Variants in DAPK1 observed in about 807,000 individuals in gnomAD.
DAPK1 encodes the protein death associated protein kinase 1, also known as death-associated protein kinase 1.
A neutral mutation model predicts 144.9 loss-of-function variants in DAPK1; 56 were observed. That is an observed-to-expected ratio of 0.39 (90% CI 0.31 to 0.48). The LOEUF (loss-of-function observed/expected upper bound fraction) is 0.48, where lower values mean the gene tolerates loss of function less well. Among genes scored for constraint, DAPK1 ranks in the 20% least tolerant of loss-of-function variants. DAPK1 has a pLI of 0.95. For synonymous variants in DAPK1, 690 were observed against 749.0 expected, an observed-to-expected ratio of 0.92 and a Z score of 1.29; for missense variants, 1,454 against 1,875.4, an observed-to-expected ratio of 0.78 and a Z score of 4.15.
At chr9:87,525,335 C>T (rs910766753) in intron 2 of DAPK1, 14 of 1,610,836 alleles carry the variant, frequency 8.7e-6, no homozygotes, top group Admixed American at 5.0e-5. Context: ...GAGCCACCCG[C>T]GAAAATTCGG....
chr9:87,571,506 C>CACACACACACACACACACACACCCCA, intron 2 of DAPK1, among the ~76,000 whole-genome samples: 1 of 145,554 alleles, frequency 6.9e-6, no homozygotes, highest in African/African-American at 2.6e-5. Flanking sequence ...CCAACACACA[C>CACACACACACACACACACACACCCCA]ACACACACAC....
chr9:87,602,067 C>T (rs1345069183), intron 2 of DAPK1, among the ~76,000 whole-genome samples: 1 of 152,032 alleles, frequency 6.6e-6, no homozygotes. Context: ...AGCAGGTGCC[C>T]CTGAGGGGTA....
chr9:87,667,772 T>G (rs1831108134), intron 18 of DAPK1: 1 of 152,214 alleles, frequency 6.6e-6, no homozygotes. Context: ...ACTTTTGAAT[T>G]TTTAGTGATC....
At chr9:87,660,507 A>G (rs59370521) in intron 18 of DAPK1, among the ~76,000 whole-genome samples, 68,569 of 152,082 alleles carry the variant, frequency 0.45, 15,732 homozygotes, top group Middle Eastern at 0.6. Context: ...ATATATTCAT[A>G]GGGTACAAGT....
intron 21 of DAPK1, among the ~76,000 whole-genome samples, chr9:87,693,665 G>A (rs1564074271): frequency 6.6e-6 from 1 of 152,080 alleles, no homozygotes; most frequent in Non-Finnish European, 1.5e-5. Flanking sequence ...ATTGATATCT[G>A]TGCATCCGGT....
intron 2 of DAPK1, among the ~76,000 whole-genome samples, chr9:87,530,963 C>A (rs904444338): frequency 2.0e-5 from 3 of 152,102 alleles, no homozygotes; most frequent in African/African-American, 7.2e-5. Flanking sequence ...CAGCTGTGAG[C>A]CGAGCATTAG....
intron 20 of DAPK1, among the ~76,000 whole-genome samples, chr9:87,684,328 C>T (rs1460286267): frequency 6.6e-6 from 1 of 151,426 alleles, no homozygotes; most frequent in Non-Finnish European, 1.5e-5. Context: ...CTGCTCGTGC[C>T]TGGCAGGCCG....
At chr9:87,682,037 A>C (rs910226634) in intron 20 of DAPK1, among the ~76,000 whole-genome samples, 1 of 152,242 alleles carries the variant, frequency 6.6e-6, no homozygotes, top group African/African-American at 2.4e-5. Context: ...CAGCCCAAGA[A>C]GGGTCCTCAA....
intron 3 of DAPK1, among the ~76,000 whole-genome samples, chr9:87,624,474 A>G (rs1041690480): frequency 5.9e-5 from 9 of 152,186 alleles, no homozygotes; most frequent in African/African-American, 1.2e-4. Flanking sequence ...TTCAGATTCT[A>G]TTGGTCGAGC....
intron 2 of DAPK1, among the ~76,000 whole-genome samples, chr9:87,597,408 G>C (rs1015052698): frequency 5.9e-5 from 9 of 152,090 alleles, no homozygotes; most frequent in Non-Finnish European, 1.3e-4. Context: ...AGTTCCAATG[G>C]GGGGGAAAAT....
chr9:87,594,913 A>C (rs1310326932), intron 2 of DAPK1, among the ~76,000 whole-genome samples: 2 of 152,150 alleles, frequency 1.3e-5, no homozygotes, highest in Admixed American at 1.3e-4. Context: ...ACACCCTTCT[A>C]ATGGGTCAAT....
intron 25 of DAPK1, among the ~76,000 whole-genome samples, chr9:87,705,087 A>ATG (rs1373899745): frequency 1.3e-5 from 2 of 151,544 alleles, no homozygotes; most frequent in Non-Finnish European, 2.9e-5. Flanking sequence ...GGCCTTTTCT[A>ATG]TGTGTGTGTG....
At chr9:87,670,883 G>A (rs950727992) in intron 19 of DAPK1, among the ~76,000 whole-genome samples, 2 of 152,234 alleles carry the variant, frequency 1.3e-5, no homozygotes, top group Non-Finnish European at 2.9e-5. Context: ...TGCAGAGGGA[G>A]GAGGCGTCTC....
rs576768251 is a variant in DAPK1, at chr9:87,699,277, G to A, written c.2750+483G>A. On this transcript the variant is annotated intron_variant, in intron 23 of 25. Coordinates refer to ENST00000408954, the MANE Select transcript of DAPK1 (RefSeq NM_004938.4). ...TTTCTACCTCCCAGCAACACTGCCC[G>A]GAGGTGACTTCTTTTAGCTGTTTAG... Among the ~76,000 whole-genome samples, 20 of 152,294 alleles carry A rather than the reference G, an allele frequency of 1.3e-4. No individual in the cohort carries two copies. In the East Asian group the frequency reaches 1.5e-3, roughly 12 times the overall value.
chr9:87,596,879 C>G (rs1828336114), intron 2 of DAPK1, among the ~76,000 whole-genome samples: 1 of 152,126 alleles, frequency 6.6e-6, no homozygotes. Flanking sequence ...GCTGCCTGGA[C>G]CCAGCTTAGG....
chr9:87,641,681 A>G (rs1830099894), intron 9 of DAPK1, among the ~76,000 whole-genome samples: 1 of 152,206 alleles, frequency 6.6e-6, no homozygotes, highest in African/African-American at 2.4e-5. Flanking sequence ...ACATAGCCTC[A>G]CCATGAATAT....
intron 21 of DAPK1, among the ~76,000 whole-genome samples, chr9:87,688,211 G>A (rs1824934047): frequency 6.6e-6 from 1 of 151,736 alleles, no homozygotes; most frequent in African/African-American, 2.4e-5. Flanking sequence ...CTGTTCCTGT[G>A]TTAATTCACT....
intron 2 of DAPK1, among the ~76,000 whole-genome samples, chr9:87,580,485 A>G (rs534361419): frequency 1.3e-5 from 2 of 152,314 alleles, no homozygotes; most frequent in South Asian, 4.1e-4. Context: ...TTTACTTTTT[A>G]GACAACTTGC....
intron 2 of DAPK1, among the ~76,000 whole-genome samples, chr9:87,508,413 G>A: frequency 6.6e-6 from 1 of 150,630 alleles, no homozygotes; most frequent in South Asian, 2.1e-4. Flanking sequence ...CGCGATTTCG[G>A]CTCACTGCAA....
Sources: gnomAD v4.1 joint callset for allele counts (sites outside exome capture counted in the v4.1 genomes callset) on GRCh38, gnomAD v4.1.1 for gene constraint, MANE v1.5 for transcripts, NCBI Gene and HGNC (gene_info 2026-07-23, HGNC 2026-07-21) for gene names.